Variants in DLG2 observed in about 807,000 individuals in gnomAD.
DLG2 encodes discs large MAGUK scaffold protein 2.
Under a neutral mutation model 132.5 loss-of-function variants are expected in DLG2, and 45 were observed. That is an observed-to-expected ratio of 0.34 (90% CI 0.27 to 0.44). The LOEUF is 0.44. Ranked by LOEUF, DLG2 falls within the 20% of genes least tolerant of loss-of-function variation. The probability of loss-of-function intolerance (pLI) is 1.00; values close to 1 mark genes in which losing one functional copy is unlikely to be tolerated. For missense variants in DLG2, 1,045 were observed against 1,196.9 expected (o/e 0.87, Z 1.87); for synonymous variants, 424 against 419.6 (o/e 1.01, Z -0.13).
At chr11:84,824,516 G>C (rs2078091384) in intron 6 of DLG2, among the ~76,000 whole-genome samples, 1 of 151,910 alleles carries the variant, frequency 6.6e-6, no homozygotes, top group South Asian at 2.1e-4. Flanking sequence ...CTCTATTCTT[G>C]AGAAGGTTGC....
intron 9 of DLG2, among the ~76,000 whole-genome samples, chr11:84,102,296 T>C (rs1178001198): frequency 6.6e-6 from 1 of 152,160 alleles, no homozygotes; most frequent in Admixed American, 6.6e-5. Context: ...CTGTGTAGTA[T>C]TCATCTTTGT....
At chr11:85,034,868 C>G (rs927408691) in intron 6 of DLG2, among the ~76,000 whole-genome samples, 1 of 152,004 alleles carries the variant, frequency 6.6e-6, no homozygotes, top group Non-Finnish European at 1.5e-5. Flanking sequence ...ATTCATTTTC[C>G]TGAGTTTCCT....
intron 6 of DLG2, among the ~76,000 whole-genome samples, chr11:84,927,668 T>G (rs2154089102): frequency 6.6e-6 from 1 of 152,152 alleles, no homozygotes; most frequent in East Asian, 1.9e-4. Context: ...CCAATAAAAC[T>G]TTATTATTGA....
intron 6 of DLG2, among the ~76,000 whole-genome samples, chr11:85,065,514 G>C (rs538627807): frequency 6.6e-6 from 1 of 150,696 alleles, no homozygotes; most frequent in East Asian, 2.0e-4. Flanking sequence ...TTTAAAACCA[G>C]GTTTCACAAT....
At position 85,414,519 on chromosome 11, in the gene DLG2, T is replaced by C. The variant is rs561644392; in HGVS notation, c.41-129154A>G. On this transcript the variant is annotated intron_variant, in intron 3 of 27. Coordinates refer to ENST00000376104, the MANE Select transcript of DLG2 (RefSeq NM_001142699.3). ...GAGGCTCATTTTGTGGCCTATCATA[T>C]AGTCCATCTTGGAGAAAGTTTCATG... 5.3e-5 allele frequency among the ~76,000 whole-genome samples: 8 copies of C among 152,114 alleles called. No homozygotes were observed. The South Asian group carries it at 8.3e-4, about 16-fold the overall frequency.
At chr11:85,584,521 A>C (rs553879961) in intron 3 of DLG2, among the ~76,000 whole-genome samples, 19 of 152,302 alleles carry the variant, frequency 1.2e-4, no homozygotes, top group Admixed American at 3.3e-4. Flanking sequence ...TAGGAAGATA[A>C]CCAGTAGTGG....
At chr11:84,892,801 A>G (rs1460221612) in intron 6 of DLG2, among the ~76,000 whole-genome samples, 2 of 151,942 alleles carry the variant, frequency 1.3e-5, no homozygotes, top group Non-Finnish European at 2.9e-5. Flanking sequence ...AAATTCCCAC[A>G]TGCCCTTTCT....
At chr11:83,976,654 A>G (rs2092268347) in intron 12 of DLG2, among the ~76,000 whole-genome samples, 1 of 151,774 alleles carries the variant, frequency 6.6e-6, no homozygotes, top group Non-Finnish European at 1.5e-5. Context: ...AAAATGAATC[A>G]TTTTCTTTCA....
intron 6 of DLG2, among the ~76,000 whole-genome samples, chr11:84,646,028 G>T (rs1237186658): frequency 6.6e-6 from 1 of 152,196 alleles, no homozygotes; most frequent in Middle Eastern, 3.2e-3. Flanking sequence ...AAGGGGGCCA[G>T]CTCTGAAATA....
At chr11:85,068,966 GGAACAGAACAGAGCC>G (rs1258378861) in intron 6 of DLG2, among the ~76,000 whole-genome samples, 1 of 152,056 alleles carries the variant, frequency 6.6e-6, no homozygotes, top group Non-Finnish European at 1.5e-5. Flanking sequence ...ACAGAGCAAT[GGAACAGAACAGAGCC>G]CTCAGAAATA....
At chr11:84,784,171 A>G (rs1047647857) in intron 6 of DLG2, among the ~76,000 whole-genome samples, 4 of 124,974 alleles carry the variant, frequency 3.2e-5, no homozygotes, top group Admixed American at 1.6e-4. Context: ...AAAAAAAAAA[A>G]GCTTAGCTGA....
chr11:83,880,986 C>T (rs1299951574), intron 15 of DLG2, among the ~76,000 whole-genome samples: 1 of 152,088 alleles, frequency 6.6e-6, no homozygotes, highest in Non-Finnish European at 1.5e-5. Context: ...TATGTGCTTA[C>T]ATTTTTCTTC....
chr11:83,755,498 A>G (rs573969615), intron 18 of DLG2, among the ~76,000 whole-genome samples: 4 of 151,470 alleles, frequency 2.6e-5, no homozygotes, highest in African/African-American at 9.8e-5. Context: ...TTCATTAACA[A>G]AGGGTAAATA....
intron 7 of DLG2, among the ~76,000 whole-genome samples, chr11:84,463,026 C>A (rs1446981872): frequency 3.3e-5 from 5 of 151,100 alleles, no homozygotes; most frequent in South Asian, 4.1e-4. Flanking sequence ...TGTTACAAGG[C>A]AGTCTTCAAA....
chr11:83,734,652 C>T (rs1160279825), intron 18 of DLG2, among the ~76,000 whole-genome samples: 12 of 151,938 alleles, frequency 7.9e-5, no homozygotes, highest in Admixed American at 2.0e-4. Flanking sequence ...GGTTTCACCA[C>T]GTTGGCTAGG....
chr11:85,280,148 A>G (rs562794936), intron 4 of DLG2, among the ~76,000 whole-genome samples: 7 of 151,942 alleles, frequency 4.6e-5, no homozygotes, highest in Non-Finnish European at 7.4e-5. Flanking sequence ...TCTCCCTGAC[A>G]TATAGTTTTT....
chr11:85,299,257 A>G (rs1481404802), intron 3 of DLG2, among the ~76,000 whole-genome samples: 5 of 152,208 alleles, frequency 3.3e-5, no homozygotes, highest in East Asian at 3.9e-4. Flanking sequence ...TGCTTAATTT[A>G]TAACTGGCAG....
At chr11:85,524,587 G>A (rs1191285105) in intron 3 of DLG2, among the ~76,000 whole-genome samples, 1 of 152,052 alleles carries the variant, frequency 6.6e-6, no homozygotes, top group Non-Finnish European at 1.5e-5. Context: ...CCACTTCCTG[G>A]GATCAAGCAA....
chr11:83,589,816 A>C (rs1384409900), intron 19 of DLG2, among the ~76,000 whole-genome samples: 1 of 145,876 alleles, frequency 6.9e-6, no homozygotes, highest in Non-Finnish European at 1.5e-5. Context: ...CAAATGGAAA[A>C]CAAAAAAAGG....
Sources: allele counts gnomAD v4.1 joint callset (sites outside exome capture counted in the v4.1 genomes callset), GRCh38; gene constraint gnomAD v4.1.1; transcripts MANE v1.5; gene names NCBI Gene and HGNC (gene_info 2026-07-23, HGNC 2026-07-21).